The following COL15A1 variants were observed in gnomAD, a reference collection of about 807,000 sequenced individuals.
COL15A1 encodes the protein collagen alpha-1(XV) chain.
In COL15A1, 111 loss-of-function variants were observed where a neutral mutation model predicts 165.9. The observed-to-expected ratio is 0.67, with a 90% CI of 0.57 to 0.78. The LOEUF is 0.78. Ranked by LOEUF, COL15A1 falls within the 30% of genes least tolerant of loss-of-function variation. The pLI, the probability that COL15A1 is intolerant of heterozygous loss-of-function variation, is 0.00. For synonymous variants in COL15A1, 659 were observed against 674.8 expected (o/e 0.98, Z 0.36); for missense variants, 1,745 against 1,789.7 (o/e 0.98, Z 0.45).
intron 16 of COL15A1, among the ~76,000 whole-genome samples, chr9:99,032,777 T>G (rs1433802908): frequency 6.6e-6 from 1 of 152,224 alleles, no homozygotes; most frequent in East Asian, 1.9e-4. Context: ...ATCTCTGTAT[T>G]AATTCTCTCT....
chr9:99,037,824 A>G (rs17711860), intron 21 of COL15A1, among the ~76,000 whole-genome samples: 18,116 of 152,212 alleles, frequency 0.12, 1,312 homozygotes, highest in Admixed American at 0.15. Flanking sequence ...GAACTTCCAA[A>G]GCTCTAGTGT....
At chr9:99,023,894 A>G (rs1209493353) in intron 14 of COL15A1, among the ~76,000 whole-genome samples, 1 of 151,664 alleles carries the variant, frequency 6.6e-6, no homozygotes, top group African/African-American at 2.4e-5. Context: ...TCCTTCCCTT[A>G]TGCATTCCCT....
chr9:99,015,717 A>C, intron 10 of COL15A1, 151 bp downstream of exon 10: 3 of 818,940 alleles, frequency 3.7e-6, no homozygotes, highest in South Asian at 1.7e-5. Flanking sequence ...GGCAGGACAC[A>C]ATGCTGGAGT....
intron 2 of COL15A1, among the ~76,000 whole-genome samples, chr9:98,976,376 G>C (rs1459106251): frequency 6.6e-6 from 1 of 152,202 alleles, no homozygotes; most frequent in African/African-American, 2.4e-5. Context: ...TCTCTGATGG[G>C]AAAACTGAGA....
At chr9:99,055,468 T>C in intron 34 of COL15A1, 96 bp downstream of exon 34, 1 of 741,672 alleles carries the variant, frequency 1.3e-6, no homozygotes, top group Non-Finnish European at 2.4e-6. Context: ...GTCATTGTAC[T>C]ATAAGCTGGA....
At chr9:99,058,443 C>T (rs1459358711) in intron 35 of COL15A1, among the ~76,000 whole-genome samples, 1 of 152,104 alleles carries the variant, frequency 6.6e-6, no homozygotes, top group Non-Finnish European at 1.5e-5. Flanking sequence ...GTGTATGGAA[C>T]CACAGGTGCC....
At chr9:99,059,552 G>A (rs924416321) in intron 35 of COL15A1, among the ~76,000 whole-genome samples, 2 of 152,210 alleles carry the variant, frequency 1.3e-5, no homozygotes, top group Non-Finnish European at 2.9e-5. Context: ...TAAGTTATAT[G>A]AGTCAGGACA....
intron 9 of COL15A1, among the ~76,000 whole-genome samples, chr9:99,007,546 CTT>C (rs1838783287): frequency 6.6e-6 from 1 of 152,074 alleles, no homozygotes; most frequent in Admixed American, 6.6e-5. Flanking sequence ...GGAAAGTTCA[CTT>C]TTATCAGGCT....
chr9:99,002,591 T>G (rs1284698244), intron 7 of COL15A1, among the ~76,000 whole-genome samples: 3 of 152,196 alleles, frequency 2.0e-5, no homozygotes. Flanking sequence ...CCTGTGAAAT[T>G]GCACTTGCCC....
At chr9:99,032,828 T>G (rs537211462) in intron 16 of COL15A1, among the ~76,000 whole-genome samples, 1 of 152,388 alleles carries the variant, frequency 6.6e-6, no homozygotes, top group East Asian at 1.9e-4. Context: ...TCTGCAGAGT[T>G]CTGCATTTCG....
chr9:99,069,981 GTT>G lies in COL15A1; in HGVS notation c.*106_*107del. 3 of 788,520 alleles carry G rather than the reference GTT, an allele frequency of 3.8e-6. No individual in the cohort carries two copies. Among genetic ancestry groups the G allele is most frequent in the Non-Finnish European group, 5.7e-6 (3 of 526,378 alleles). 48.8% of individuals were successfully genotyped at this position (788,520 alleles called of 1,614,324 possible). ...ATGTTTAATTGTTGTAAATATTACAGTTTTTTTTTTTTACTACATATTCTTTA... is the reference window on the plus strand; with the variant it reads ...ATGTTTAATTGTTGTAAATATTACAGTTTTTTTTTTACTACATATTCTTTA... On this transcript the variant is annotated 3_prime_UTR_variant, in exon 42 of 42. Coordinates refer to ENST00000375001, the MANE Select transcript of COL15A1 (RefSeq NM_001855.5).
At chr9:99,040,143 G>C (rs942517012) in intron 22 of COL15A1, among the ~76,000 whole-genome samples, 1 of 152,190 alleles carries the variant, frequency 6.6e-6, no homozygotes, top group Non-Finnish European at 1.5e-5. Flanking sequence ...ACAAGTGAAA[G>C]TTTCTTCCCA....
At chr9:99,056,525 TC>T in intron 35 of COL15A1, 121 bp downstream of exon 35, 1 of 1,389,286 alleles carries the variant, frequency 7.2e-7, no homozygotes, top group Admixed American at 3.1e-5. Flanking sequence ...GATACCGCCT[TC>T]TTTCTTTTTT....
chr9:98,975,468 A>T (rs1838127240), intron 2 of COL15A1, among the ~76,000 whole-genome samples: 1 of 152,186 alleles, frequency 6.6e-6, no homozygotes, highest in African/African-American at 2.4e-5. Flanking sequence ...GAGAGGTGAG[A>T]GTTCGCTCCT....
intron 23 of COL15A1, 54 bp downstream of exon 23, chr9:99,040,610 G>T: frequency 1.2e-6 from 2 of 1,614,072 alleles, no homozygotes; most frequent in South Asian, 2.2e-5. Context: ...CGATCATTCT[G>T]TTCCTTCCAC....
At chr9:99,068,313 A>G (rs2118020722) in intron 40 of COL15A1, among the ~76,000 whole-genome samples, 1 of 152,098 alleles carries the variant, frequency 6.6e-6, no homozygotes, top group East Asian at 1.9e-4. Context: ...TAAAAATACA[A>G]AATTAGCCGG....
chr9:99,065,747 C>A (rs1045252258), intron 39 of COL15A1, among the ~76,000 whole-genome samples: 3 of 149,432 alleles, frequency 2.0e-5, no homozygotes, highest in African/African-American at 5.0e-5. Context: ...TGGGGTCTGT[C>A]CTCTGCAGGA....
At chr9:99,049,520 C>G (rs1278147316) in intron 28 of COL15A1, among the ~76,000 whole-genome samples, 170 bp from the exon 29 acceptor site, 1 of 152,234 alleles carries the variant, frequency 6.6e-6, no homozygotes, top group Non-Finnish European at 1.5e-5. Flanking sequence ...TGTGAAGATA[C>G]AGTGAGGCCA....
intron 2 of COL15A1, among the ~76,000 whole-genome samples, chr9:98,964,260 G>T (rs555590801): frequency 9.2e-5 from 11 of 119,822 alleles, no homozygotes; most frequent in Non-Finnish European, 1.8e-4. Context: ...TTTTCATCTT[G>T]GAAGGTCTGA....
Sources: allele counts gnomAD v4.1 joint callset (sites outside exome capture counted in the v4.1 genomes callset), GRCh38; gene constraint gnomAD v4.1.1; transcripts MANE v1.5; gene names NCBI Gene and HGNC (gene_info 2026-07-23, HGNC 2026-07-21).